SMARCC1: variants seen among roughly 807,000 people sequenced by gnomAD.
SMARCC1 encodes the protein SWI/SNF complex subunit SMARCC1.
SMARCC1 carries 43 observed loss-of-function variants against 147.4 expected under a neutral mutation model. The observed-to-expected ratio is 0.29, with a 90% CI of 0.23 to 0.38. The LOEUF is 0.38. Among genes scored for constraint, SMARCC1 ranks in the 10% least tolerant of loss-of-function variants. The pLI, the probability that SMARCC1 is intolerant of heterozygous loss-of-function variation, is 1.00. For synonymous variants in SMARCC1, 495 were observed against 484.4 expected (o/e 1.02, Z -0.29); for missense variants, 1,119 against 1,381.1 (o/e 0.81, Z 3.01).
At chr3:47,710,053 A>T (rs1259548886) in intron 9 of SMARCC1, among the ~76,000 whole-genome samples, 2 of 152,310 alleles carry the variant, frequency 1.3e-5, no homozygotes, top group Middle Eastern at 3.4e-3. Context: ...GTGGTGGCTC[A>T]TGCCTGTAAT....
chr3:47,667,988 A>C lies in SMARCC1; in HGVS notation c.1899+2670T>G, dbSNP rs1246494443. ...GACCAGGAGTTCAAGACCAGCATGG[A>C]CAGCATAGCAAAACCCTGCCTCTAT... On this transcript the variant is annotated intron_variant, in intron 19 of 27. Coordinates refer to ENST00000254480, the MANE Select transcript of SMARCC1 (RefSeq NM_003074.4). Among the ~76,000 whole-genome samples, 5 of 152,166 alleles carry C rather than the reference A, an allele frequency of 3.3e-5. 1 individual carries two copies. Among genetic ancestry groups the C allele is most frequent in the Non-Finnish European group, 5.9e-5 (4 of 68,022 alleles).
chr3:47,678,261 T>C lies in SMARCC1; in HGVS notation c.1508A>G (p.Gln503Arg). 6 of 1,607,804 alleles carry C rather than the reference T, an allele frequency of 3.7e-6. No individual in the cohort carries two copies. The highest frequency in any genetic ancestry group is 5.1e-6 in the Non-Finnish European group (6 of 1,177,428). Residue 503 changes from glutamine (Q) to arginine (R), a missense_variant, in exon 16 of 28, where the codon CAA becomes CGA. By Grantham distance (43) the Gln-to-Arg change is conservative (BLOSUM62 1). Around this residue, in one of 6 missense-constraint regions of SMARCC1, gnomAD observed 14 missense variants for 40.3 expected, o/e 0.35. Transcript: ENST00000254480. The part of the protein sequence containing the change: ...FMIDTYRLNP[Q>R]EYLTSTACRR... ...ACAAGCAGTGCTAGTTAAATACTCTTGGGGGTTTAGACGATACGTGTCAAT... is the reference window on the plus strand; with the variant it reads ...ACAAGCAGTGCTAGTTAAATACTCTCGGGGGTTTAGACGATACGTGTCAAT...
chr3:47,780,831 A>G (rs1391691248), intron 1 of SMARCC1, among the ~76,000 whole-genome samples: 3 of 146,716 alleles, frequency 2.0e-5, no homozygotes, highest in African/African-American at 5.0e-5. Context: ...GGGAAGTTGG[A>G]AAAAAAAAAA....
chr3:47,713,202 T>A lies in SMARCC1; in HGVS notation c.792+1213A>T, dbSNP rs536616130. 3.4e-4 allele frequency among the ~76,000 whole-genome samples: 51 copies of A among 151,932 alleles called. 1 individual carries two copies. The highest frequency in any genetic ancestry group is 5.8e-4 in the East Asian group (3 of 5,156). On this transcript the variant is annotated intron_variant, in intron 8 of 27. Coordinates refer to ENST00000254480, the MANE Select transcript of SMARCC1 (RefSeq NM_003074.4). ...CGGGCTTGGTGGCGGGCGCCTGTAATCCCAGCTACTCAGAAGGCTGAGGTA... is the reference window on the plus strand; with the variant it reads ...CGGGCTTGGTGGCGGGCGCCTGTAAACCCAGCTACTCAGAAGGCTGAGGTA...
At chr3:47,780,704 T>C (rs747982673) in intron 1 of SMARCC1, among the ~76,000 whole-genome samples, 1 of 152,138 alleles carries the variant, frequency 6.6e-6, no homozygotes. Flanking sequence ...TGATTCTCAA[T>C]AGGAGAAAGT....
At chr3:47,674,874 C>T (rs563166565) in intron 18 of SMARCC1, among the ~76,000 whole-genome samples, 2 of 152,230 alleles carry the variant, frequency 1.3e-5, no homozygotes, top group African/African-American at 4.8e-5. Context: ...AACATTAATT[C>T]TTTGGACTGT....
chr3:47,779,901 T>C (rs1229169854), intron 1 of SMARCC1, among the ~76,000 whole-genome samples: 2 of 152,192 alleles, frequency 1.3e-5, no homozygotes, highest in Non-Finnish European at 2.9e-5. Flanking sequence ...AATATTTTCA[T>C]AACATATTCA....
intron 2 of SMARCC1, among the ~76,000 whole-genome samples, chr3:47,759,074 G>A (rs956981341): frequency 2.0e-5 from 3 of 151,630 alleles, no homozygotes; most frequent in Non-Finnish European, 2.9e-5. Context: ...GTGCAGAGGT[G>A]CAATCTCAGC....
intron 26 of SMARCC1, chr3:47,603,891 A>G (rs1251937807): frequency 1.0e-5 from 4 of 390,018 alleles, no homozygotes; most frequent in African/African-American, 2.1e-5. Flanking sequence ...TTGGGACACT[A>G]TAAGAGACAG....
At chr3:47,737,202 G>A (rs1327171796) in intron 4 of SMARCC1, among the ~76,000 whole-genome samples, 1 of 152,048 alleles carries the variant, frequency 6.6e-6, no homozygotes, top group East Asian at 1.9e-4. Flanking sequence ...GACCAGCCTG[G>A]CTAACATGGC....
intron 21 of SMARCC1, among the ~76,000 whole-genome samples, chr3:47,651,281 G>A (rs1222745433): frequency 6.6e-6 from 1 of 152,148 alleles, no homozygotes; most frequent in Non-Finnish European, 1.5e-5. Context: ...TCCAGTCTAG[G>A]CAACAGAGTG....
At chr3:47,603,817 G>T in intron 26 of SMARCC1, 1 of 324,142 alleles carries the variant, frequency 3.1e-6, no homozygotes, top group South Asian at 2.6e-5. Context: ...TTGCCAACTG[G>T]ATACCAGAAA....
chr3:47,628,821 C>T (rs938391498), intron 24 of SMARCC1, among the ~76,000 whole-genome samples: 6 of 152,294 alleles, frequency 3.9e-5, no homozygotes, highest in South Asian at 4.1e-4. Context: ...CCGCCCACCT[C>T]GGCCTCCCAA....
At chr3:47,763,750 T>A (rs1419218556) in intron 2 of SMARCC1, among the ~76,000 whole-genome samples, 3 of 151,756 alleles carry the variant, frequency 2.0e-5, no homozygotes, top group African/African-American at 7.3e-5. Flanking sequence ...AAACAGGGAC[T>A]CACTGTCGCC....
At chr3:47,686,420 T>C (rs1486358846) in intron 13 of SMARCC1, among the ~76,000 whole-genome samples, 1 of 152,194 alleles carries the variant, frequency 6.6e-6, no homozygotes, top group African/African-American at 2.4e-5. Context: ...TCTCTCATAA[T>C]AAGATTAACA....
chr3:47,737,687 G>A lies in SMARCC1; in HGVS notation c.483+342C>T, dbSNP rs976793476. Among the ~76,000 whole-genome samples the A allele has an allele frequency of 7.9e-5, 12 of 151,910 alleles. No individual in the cohort carries two copies. In the East Asian group the frequency reaches 1.5e-3, roughly 20 times the overall value. Reference sequence around the variant, plus strand: ...TTTTTGTTGTTTGAGACGGAGTCTCGCTCTGTTGCCCAGGCTGGAGTGCAG... The same window carrying A: ...TTTTTGTTGTTTGAGACGGAGTCTCACTCTGTTGCCCAGGCTGGAGTGCAG... On this transcript the variant is annotated intron_variant, in intron 4 of 27. Coordinates refer to ENST00000254480, the MANE Select transcript of SMARCC1 (RefSeq NM_003074.4).
intron 8 of SMARCC1, among the ~76,000 whole-genome samples, chr3:47,713,709 C>T (rs2034119641): frequency 6.6e-6 from 1 of 152,014 alleles, no homozygotes. Flanking sequence ...ATTTCCACAT[C>T]AAAAGTTGAT....
Position 47,673,395 on chromosome 3 carries a change from AG to A in SMARCC1, c.1839+2079del, listed in dbSNP as rs765352656. ...AGCGAGACTCTGTCTCAAAAAAAAA[AG>A]GGTGGGGGGGGGGCAGGCCAGTGGC... On this transcript the variant is annotated intron_variant, in intron 18 of 27. Transcript: ENST00000254480. Among the ~76,000 whole-genome samples, 142 of 15,886 alleles carry A rather than the reference AG, an allele frequency of 8.9e-3. 18 individuals carry two copies. The highest frequency in any genetic ancestry group is 0.023 in the African/African-American group (132 of 5,832). The allele number at this position is 15,886 out of a possible 152,430, so 10.4% of individuals were successfully genotyped here.
At chr3:47,598,121 T>C (rs1374070937) in intron 26 of SMARCC1, among the ~76,000 whole-genome samples, 1 of 152,194 alleles carries the variant, frequency 6.6e-6, no homozygotes, top group Non-Finnish European at 1.5e-5. Flanking sequence ...TTTTTTGTTC[T>C]CTTCCTACCC....
Sources: gnomAD v4.1 joint callset for allele counts (sites outside exome capture counted in the v4.1 genomes callset) on GRCh38, gnomAD v4.1.1 for gene constraint, gnomAD v4.1.1 regional missense constraint, MANE v1.5 for transcripts, NCBI Gene and HGNC (gene_info 2026-07-23, HGNC 2026-07-21) for gene names.